ZC3H12B: variants seen among roughly 807,000 people sequenced by gnomAD.
ZC3H12B encodes zinc finger CCCH-type containing 12B, also known as probable ribonuclease ZC3H12B.
Under a neutral mutation model 43.9 loss-of-function variants are expected in ZC3H12B, and 7 were observed. That is an observed-to-expected ratio of 0.16 (90% CI 0.09 to 0.30). ZC3H12B has a LOEUF of 0.30. Among genes scored for constraint, ZC3H12B ranks in the 10% least tolerant of loss-of-function variants. ZC3H12B has a pLI of 1.00. For missense variants in ZC3H12B, 475 were observed against 670.2 expected (o/e 0.71, Z 3.22); for synonymous variants, 222 against 241.7 (o/e 0.92, Z 0.76).
At chrX:65,144,133 G>A in the ZC3H12B span, among the ~76,000 whole-genome samples, 4 of 111,330 alleles carry the variant, frequency 3.6e-5, no homozygotes, top group East Asian at 8.5e-4. Context: ...CTAGTCTTGG[G>A]ATTTTTTTGT....
At chrX:65,296,504 A>G in the ZC3H12B span, among the ~76,000 whole-genome samples, 1 of 110,885 alleles carries the variant, frequency 9.0e-6, no homozygotes, top group Non-Finnish European at 1.9e-5. Context: ...TTATTGAAAT[A>G]AATAATAATA....
the ZC3H12B span, among the ~76,000 whole-genome samples, chrX:65,225,519 G>T: frequency 8.9e-6 from 1 of 112,582 alleles, no homozygotes. Flanking sequence ...AGCAAAGCTG[G>T]ACGGAGAATG....
the ZC3H12B span, among the ~76,000 whole-genome samples, chrX:65,218,183 A>C: frequency 8.9e-6 from 1 of 112,515 alleles, no homozygotes; most frequent in African/African-American, 3.2e-5. Flanking sequence ...GAAGGAAGAA[A>C]GTGGCAGATA....
the ZC3H12B span, among the ~76,000 whole-genome samples, chrX:65,131,934 A>G: frequency 3.6e-5 from 4 of 111,438 alleles, no homozygotes; most frequent in Non-Finnish European, 7.5e-5. Context: ...GATATATTGA[A>G]TAAGGTGAGA....
chrX:65,422,429 A>G (rs1363216104), intron 3 of ZC3H12B, among the ~76,000 whole-genome samples: 1 of 112,421 alleles, frequency 8.9e-6, no homozygotes, highest in Non-Finnish European at 1.9e-5. Flanking sequence ...TTTAAAATGT[A>G]TATGGGTCCC....
chrX:65,204,693 C>T, the ZC3H12B span, among the ~76,000 whole-genome samples: 47 of 111,824 alleles, frequency 4.2e-4, no homozygotes, highest in Admixed American at 3.8e-3. Flanking sequence ...GAGGTATTTT[C>T]CTGGTTATAA....
chrX:65,074,357 G>C, the ZC3H12B span, among the ~76,000 whole-genome samples: 1 of 110,389 alleles, frequency 9.1e-6, no homozygotes. Context: ...AGTTTTATGG[G>C]ACCCTCTTGT....
chrX:65,424,275 G>A (rs771171369), intron 3 of ZC3H12B, among the ~76,000 whole-genome samples: 1 of 112,357 alleles, frequency 8.9e-6, no homozygotes, highest in South Asian at 3.7e-4. Flanking sequence ...CTTTTGAGAA[G>A]TGTCTGCTCA....
the ZC3H12B span, among the ~76,000 whole-genome samples, chrX:65,166,595 T>G: frequency 8.9e-6 from 1 of 111,955 alleles, no homozygotes. Flanking sequence ...GTATTTCTAG[T>G]TCTAGATCCT....
At chrX:65,282,892 G>T in the ZC3H12B span, among the ~76,000 whole-genome samples, 16 of 111,424 alleles carry the variant, frequency 1.4e-4, no homozygotes, top group East Asian at 3.4e-3. Context: ...TCTACCAGAG[G>T]TACAAAGAGG....
At chrX:65,344,064 C>A in the ZC3H12B span, among the ~76,000 whole-genome samples, 5 of 111,943 alleles carry the variant, frequency 4.5e-5, no homozygotes, top group Non-Finnish European at 9.4e-5. Context: ...ACATCAGGAA[C>A]ACAGTTTCAT....
chrX:65,162,481 T>A, the ZC3H12B span, among the ~76,000 whole-genome samples: 1 of 111,691 alleles, frequency 9.0e-6, no homozygotes, highest in Admixed American at 9.6e-5. Context: ...TATTCTTTTT[T>A]CTCTAAACTT....
At chrX:65,160,203 A>G in the ZC3H12B span, among the ~76,000 whole-genome samples, 3 of 111,877 alleles carry the variant, frequency 2.7e-5, no homozygotes, top group East Asian at 8.4e-4. Flanking sequence ...ATGTTCATCA[A>G]GGATATTGGT....
intron 2 of ZC3H12B, among the ~76,000 whole-genome samples, chrX:65,369,674 C>A (rs748247625): frequency 1.5e-4 from 17 of 111,697 alleles, no homozygotes; most frequent in Non-Finnish European, 3.2e-4. Flanking sequence ...AAGAAGCATC[C>A]ATTCTCAGGA....
the ZC3H12B span, among the ~76,000 whole-genome samples, chrX:65,193,172 T>A: frequency 9.2e-6 from 1 of 109,058 alleles, no homozygotes; most frequent in African/African-American, 3.3e-5. Context: ...AGTTCTGGCC[T>A]CATAGAATGA....
At chrX:65,224,861 A>T in the ZC3H12B span, among the ~76,000 whole-genome samples, 1 of 112,067 alleles carries the variant, frequency 8.9e-6, no homozygotes, top group East Asian at 2.8e-4. Context: ...TAGGTAAACA[A>T]AGCAGCCGGG....
chrX:65,186,492 A>G, the ZC3H12B span: 1 of 74,700 alleles, frequency 1.3e-5, no homozygotes, highest in Non-Finnish European at 2.3e-5. Flanking sequence ...ACTCTGTGTC[A>G]AAAAAAAAAA....
chrX:65,122,850 A>G, the ZC3H12B span, among the ~76,000 whole-genome samples: 1 of 111,641 alleles, frequency 9.0e-6, no homozygotes, highest in Middle Eastern at 4.2e-3. Flanking sequence ...CTAAATATAT[A>G]TGCATCCAAT....
the ZC3H12B span, among the ~76,000 whole-genome samples, chrX:65,270,226 C>A: frequency 9.0e-6 from 1 of 111,354 alleles, no homozygotes; most frequent in East Asian, 2.8e-4. Context: ...AGAAATAAAT[C>A]CAAACACATA....
Sources: allele counts gnomAD v4.1 joint callset (sites outside exome capture counted in the v4.1 genomes callset), GRCh38; gene constraint gnomAD v4.1.1; transcripts MANE v1.5; gene names NCBI Gene and HGNC (gene_info 2026-07-23, HGNC 2026-07-21).